The following RNF115 variants were observed in gnomAD, a reference collection of about 807,000 sequenced individuals.
RNF115 encodes the protein E3 ubiquitin-protein ligase RNF115.
In RNF115, 31 loss-of-function variants were observed where a neutral mutation model predicts 39.2. The ratio of observed to expected loss-of-function variants is 0.79; its 90% CI spans 0.59 to 1.07. The LOEUF (loss-of-function observed/expected upper bound fraction) is 1.07, where lower values mean the gene tolerates loss of function less well. Ranked by LOEUF, RNF115 falls within the 50% of genes least tolerant of loss-of-function variation. The pLI is 0.00. For missense variants in RNF115, 384 were observed against 381.7 expected (o/e 1.01, Z -0.05); for synonymous variants, 124 against 131.0 (o/e 0.95, Z 0.37).
chr1:145,798,403 C>T (rs1050270881), intron 1 of RNF115, among the ~76,000 whole-genome samples: 2 of 151,942 alleles, frequency 1.3e-5, no homozygotes, highest in African/African-American at 4.8e-5. Context: ...CCAGTTTTCC[C>T]AACACTGTTT....
chr1:145,818,042 G>C (rs587775256), intron 1 of RNF115, among the ~76,000 whole-genome samples: 14 of 150,406 alleles, frequency 9.3e-5, no homozygotes, highest in African/African-American at 3.4e-4. Context: ...TTGCTCTTGT[G>C]AACAGTGCCA....
intron 1 of RNF115, among the ~76,000 whole-genome samples, chr1:145,789,256 A>G (rs1386198890): frequency 3.9e-5 from 6 of 152,076 alleles, no homozygotes; most frequent in Admixed American, 3.9e-4. Flanking sequence ...GCACATGCCA[A>G]CATACCTAAT....
intron 4 of RNF115, among the ~76,000 whole-genome samples, chr1:145,764,385 G>A (rs1658663072): frequency 6.6e-6 from 1 of 151,950 alleles, no homozygotes; most frequent in Non-Finnish European, 1.5e-5. Flanking sequence ...TCCCATCTAG[G>A]AAGTGAGGAG....
At position 145,743,776 on chromosome 1, in the gene RNF115, A is replaced by G. The variant is rs1470028063; in HGVS notation, c.*3090T>C. 4 of 89,500 alleles carry G rather than the reference A, an allele frequency of 4.5e-5. No homozygotes were observed. The highest frequency in any genetic ancestry group is 6.1e-5 in the Non-Finnish European group (3 of 49,062). The allele number at this position is 89,500 out of a possible 1,614,324, so 5.5% of individuals were successfully genotyped here. ...AGCCTAGGCGACAGAGCAAGCCTCC[A>G]TCTCAAAAAATAAATAAATAAATAA... On this transcript the variant is annotated 3_prime_UTR_variant, in exon 9 of 9. Transcript: ENST00000582693.
intron 4 of RNF115, among the ~76,000 whole-genome samples, chr1:145,766,409 C>G (rs1160267690): frequency 3.9e-5 from 6 of 152,190 alleles, no homozygotes; most frequent in African/African-American, 1.4e-4. Context: ...TACACAGACA[C>G]GGCAACCATC....
At position 145,791,761 on chromosome 1, in the gene RNF115, G is replaced by A. The variant is rs1001628009; in HGVS notation, c.103-2795C>T. Among the ~76,000 whole-genome samples, 6 of 152,114 alleles carry A rather than the reference G, an allele frequency of 3.9e-5. 1 individual carries two copies. In the South Asian group the frequency reaches 1.2e-3, roughly 32 times the overall value. On this transcript the variant is annotated intron_variant, in intron 1 of 8. Transcript: ENST00000582693. ...CTTTTAAGTAATATCAAGCTTTGGG[G>A]ATAAGAATACACTTTAGAGACTGCC...
At chr1:145,765,118 AC>A (rs1195663614) in intron 4 of RNF115, among the ~76,000 whole-genome samples, 1 of 152,082 alleles carries the variant, frequency 6.6e-6, no homozygotes, top group Non-Finnish European at 1.5e-5. Context: ...CTATGACCTT[AC>A]CCCCAACCCT....
At chr1:145,755,237 CAA>C (rs1461860581) in intron 4 of RNF115, among the ~76,000 whole-genome samples, 2 of 129,184 alleles carry the variant, frequency 1.5e-5, no homozygotes, top group Admixed American at 8.1e-5. Flanking sequence ...GACTTTGCCT[CAA>C]AAAAAAAAAG....
intron 3 of RNF115, among the ~76,000 whole-genome samples, chr1:145,781,894 CTT>C (rs1439136395): frequency 2.7e-5 from 4 of 148,588 alleles, no homozygotes; most frequent in African/African-American, 1.0e-4. Flanking sequence ...ACTCTGTACA[CTT>C]TTCCTTTTTT....
chr1:145,814,804 ATATT>A (rs1334580392), intron 1 of RNF115, among the ~76,000 whole-genome samples: 2 of 152,174 alleles, frequency 1.3e-5, no homozygotes, highest in Non-Finnish European at 2.9e-5. Flanking sequence ...ATAAGAATAC[ATATT>A]TATTTCTAGA....
intron 1 of RNF115, among the ~76,000 whole-genome samples, chr1:145,820,697 C>T (rs1337519660): frequency 1.3e-5 from 2 of 152,128 alleles, no homozygotes; most frequent in Non-Finnish European, 1.5e-5. Context: ...GATCGCACCA[C>T]TGCACTCCAG....
chr1:145,751,505 C>G lies in RNF115; in HGVS notation c.506G>C (p.Gly169Ala). 6.3e-7 allele frequency: 1 copy of G among 1,595,838 alleles called. No homozygotes were observed. Among genetic ancestry groups the G allele is most frequent in the South Asian group, 1.1e-5 (1 of 88,022 alleles). Residue 169 changes from glycine (G) to alanine (A), a missense_variant, in exon 6 of 9, where the codon GGG becomes GCG. Physicochemically the swap from Gly to Ala is moderately conservative, Grantham distance 60. Coordinates refer to ENST00000582693, the MANE Select transcript of RNF115 (RefSeq NM_014455.4). ...GTCCCCAGGGTTGGAGTGCAGCATC[C>G]CGCTCCTATACGTGAGATGAGATAG... ...PGSPHPFSWS[G>A]MLHSNPGDYA... is the part of the protein sequence containing the mutation.
At chr1:145,764,397 G>A (rs960699469) in intron 4 of RNF115, among the ~76,000 whole-genome samples, 1 of 151,024 alleles carries the variant, frequency 6.6e-6, no homozygotes, top group South Asian at 2.1e-4. Context: ...AGTGAGGAGC[G>A]TCTCTGCCGG....
At chr1:145,807,081 A>G (rs1254485093) in intron 1 of RNF115, among the ~76,000 whole-genome samples, 1 of 152,242 alleles carries the variant, frequency 6.6e-6, no homozygotes, top group Non-Finnish European at 1.5e-5. Flanking sequence ...AGAAGGTACC[A>G]ATACAGTTAC....
chr1:145,774,225 G>A (rs1225739697), intron 3 of RNF115, among the ~76,000 whole-genome samples: 5 of 151,554 alleles, frequency 3.3e-5, no homozygotes, highest in African/African-American at 9.7e-5. Context: ...TCCCTGATAC[G>A]AATATACCAA....
chr1:145,819,401 GTGA>G (rs1343899127), intron 1 of RNF115, among the ~76,000 whole-genome samples: 19 of 151,684 alleles, frequency 1.3e-4, no homozygotes, highest in African/African-American at 4.4e-4. Context: ...GCAGTGAGCC[GTGA>G]TCATGCCACT....
chr1:145,750,558 G>T, intron 6 of RNF115, 58 bp from the exon 7 acceptor site: 1 of 1,305,202 alleles, frequency 7.7e-7, no homozygotes, highest in East Asian at 2.3e-5. Flanking sequence ...TCCCTGGAGA[G>T]GGAACTGCTC....
intron 4 of RNF115, among the ~76,000 whole-genome samples, chr1:145,756,257 T>C (rs1658289317): frequency 6.6e-6 from 1 of 152,090 alleles, no homozygotes; most frequent in Non-Finnish European, 1.5e-5. Flanking sequence ...GGCCAGGAAT[T>C]TGAGACCAGC....
intron 4 of RNF115, among the ~76,000 whole-genome samples, chr1:145,765,279 C>T (rs587616404): frequency 6.6e-6 from 1 of 152,314 alleles, no homozygotes; most frequent in East Asian, 1.9e-4. Context: ...GACACAAACA[C>T]TGTGGAAGGC....
Sources: allele counts gnomAD v4.1 joint callset (sites outside exome capture counted in the v4.1 genomes callset), GRCh38; gene constraint gnomAD v4.1.1; transcripts MANE v1.5; gene names NCBI Gene and HGNC (gene_info 2026-07-23, HGNC 2026-07-21).